The following KLHL29 variants were observed in gnomAD, a reference collection of about 807,000 sequenced individuals.
KLHL29 encodes the protein kelch like family member 29.
KLHL29 carries 21 observed loss-of-function variants against 80.4 expected under a neutral mutation model. The ratio of observed to expected loss-of-function variants is 0.26; its 90% confidence interval spans 0.19 to 0.38. KLHL29 has a LOEUF of 0.38. Among genes scored for constraint, KLHL29 ranks in the 10% least tolerant of loss-of-function variants. The pLI is 1.00. For synonymous variants in KLHL29, 511 were observed against 526.8 expected, an observed-to-expected ratio of 0.97 and a Z score of 0.41; for missense variants, 867 against 1,223.9, an observed-to-expected ratio of 0.71 and a Z score of 4.35.
chr2:23,426,385 G>A (rs1476483645), intron 1 of KLHL29, among the ~76,000 whole-genome samples: 5 of 152,142 alleles, frequency 3.3e-5, no homozygotes, highest in East Asian at 1.9e-4. Context: ...GTGACTTCCC[G>A]GCGGCCACTG....
At chr2:23,407,567 T>C (rs1275489353) in intron 1 of KLHL29, among the ~76,000 whole-genome samples, 1 of 152,218 alleles carries the variant, frequency 6.6e-6, no homozygotes, top group Non-Finnish European at 1.5e-5. Context: ...GAATTCTAAA[T>C]TCATTTATGG....
intron 5 of KLHL29, among the ~76,000 whole-genome samples, chr2:23,670,979 TCCCTCCCTCC>T (rs1670720840): frequency 1.7e-4 from 1 of 6,038 alleles, no homozygotes. Flanking sequence ...TCTCTCTCTC[TCCCTCCCTCC>T]CTCCCTCCCT....
chr2:23,463,201 A>G (rs1358406505), intron 1 of KLHL29, among the ~76,000 whole-genome samples: 2 of 150,888 alleles, frequency 1.3e-5, no homozygotes, highest in Non-Finnish European at 2.9e-5. Context: ...TTCTATCCCA[A>G]GTTGAAGCAG....
chr2:23,673,876 C>G (rs1227889352), intron 5 of KLHL29, among the ~76,000 whole-genome samples: 1 of 151,572 alleles, frequency 6.6e-6, no homozygotes, highest in Admixed American at 6.6e-5. Flanking sequence ...ACCACATGCT[C>G]AAACACACAC....
chr2:23,411,379 TTGTGTGTG>T (rs56103621), intron 1 of KLHL29, among the ~76,000 whole-genome samples: 199 of 109,024 alleles, frequency 1.8e-3, no homozygotes, highest in Admixed American at 2.8e-3. Flanking sequence ...GTTGCAAAAA[TTGTGTGTG>T]TGTGTGTGTG....
intron 1 of KLHL29, among the ~76,000 whole-genome samples, chr2:23,403,722 A>T (rs1272907287): frequency 1.1e-4 from 15 of 141,000 alleles, no homozygotes; most frequent in African/African-American, 4.2e-4. Context: ...AGAGAGAGAG[A>T]GAGAGTGTGT....
At chr2:23,440,129 G>A (rs2103414226) in intron 1 of KLHL29, among the ~76,000 whole-genome samples, 1 of 152,124 alleles carries the variant, frequency 6.6e-6, no homozygotes, top group Admixed American at 6.5e-5. Flanking sequence ...GACTAGGATT[G>A]CAACCCCTGC....
chr2:23,412,401 G>A (rs1371116194), intron 1 of KLHL29, among the ~76,000 whole-genome samples: 2 of 152,186 alleles, frequency 1.3e-5, no homozygotes, highest in Non-Finnish European at 2.9e-5. Flanking sequence ...GTGAGAAGTG[G>A]GCACTGGGGG....
intron 3 of KLHL29, among the ~76,000 whole-genome samples, chr2:23,601,261 T>A (rs1450034713): frequency 6.6e-6 from 1 of 152,098 alleles, no homozygotes; most frequent in Non-Finnish European, 1.5e-5. Flanking sequence ...CAAGTCGGGG[T>A]ACAAGATTTG....
chr2:23,636,358 G>A (rs900943381), intron 3 of KLHL29, among the ~76,000 whole-genome samples: 7 of 151,388 alleles, frequency 4.6e-5, no homozygotes, highest in African/African-American at 1.7e-4. Flanking sequence ...TGTTGTGAGT[G>A]CTCAGTAGAA....
At chr2:23,528,671 A>ACAGTT (rs1666401008) in intron 2 of KLHL29, among the ~76,000 whole-genome samples, 1 of 152,366 alleles carries the variant, frequency 6.6e-6, no homozygotes, top group South Asian at 2.1e-4. Context: ...AATTAAACTA[A>ACAGTT]TAATGTCACG....
intron 4 of KLHL29, among the ~76,000 whole-genome samples, chr2:23,641,455 C>G (rs1020697639): frequency 6.6e-6 from 1 of 152,208 alleles, no homozygotes; most frequent in Non-Finnish European, 1.5e-5. Flanking sequence ...GCGCCCTCAC[C>G]TGAGGGCCCA....
rs556239245 is a variant in KLHL29, at chr2:23,647,374, C to T, written c.940+4524C>T. Reference sequence around the variant, plus strand: ...ATTTTATCCAGACTGAAACTGTCTTCCCACAGACCTATTCTTCCTGTGTCT... The same window carrying T: ...ATTTTATCCAGACTGAAACTGTCTTTCCACAGACCTATTCTTCCTGTGTCT... On this transcript the variant is annotated intron_variant, in intron 5 of 13. Transcript: ENST00000486442. This position sits in a 1 kb window ranked among gnomAD's most constrained non-coding sequence, Gnocchi z 4.9. Among the ~76,000 whole-genome samples, 2 of 152,342 alleles carry T rather than the reference C, an allele frequency of 1.3e-5. No homozygotes were observed. The highest frequency in any genetic ancestry group is 2.1e-4 in the South Asian group (1 of 4,822).
intron 3 of KLHL29, among the ~76,000 whole-genome samples, chr2:23,581,001 C>G (rs1667966969): frequency 6.6e-6 from 1 of 152,124 alleles, no homozygotes; most frequent in South Asian, 2.1e-4. Flanking sequence ...AAAATCTAGC[C>G]CATTCTAAGC....
At chr2:23,618,736 G>T (rs554568107) in intron 3 of KLHL29, among the ~76,000 whole-genome samples, 1 of 152,092 alleles carries the variant, frequency 6.6e-6, no homozygotes, top group African/African-American at 2.4e-5. Context: ...TATTAGTTCC[G>T]TTTCTCTGGA....
At chr2:23,642,929 A>T (rs534906851) in intron 5 of KLHL29, 79 bp downstream of exon 5, 1 of 1,491,658 alleles carries the variant, frequency 6.7e-7, no homozygotes, top group Non-Finnish European at 9.1e-7. Flanking sequence ...CCACCGGGAC[A>T]GGGGGTGCTT....
intron 2 of KLHL29, among the ~76,000 whole-genome samples, chr2:23,509,569 A>T (rs1201709127): frequency 6.6e-6 from 1 of 152,192 alleles, no homozygotes; most frequent in African/African-American, 2.4e-5. Context: ...ATGAAAAAAA[A>T]ATGAATTACT....
intron 1 of KLHL29, among the ~76,000 whole-genome samples, chr2:23,472,493 G>A (rs994615012): frequency 6.6e-6 from 1 of 152,178 alleles, no homozygotes; most frequent in South Asian, 2.1e-4. Flanking sequence ...AATTAGCCGG[G>A]CATGGCGGCG....
chr2:23,457,469 T>C lies in KLHL29; in HGVS notation c.-153-18091T>C, dbSNP rs1294341071. Among the ~76,000 whole-genome samples the C allele has an allele frequency of 6.6e-6, 1 of 152,190 alleles. No homozygotes were observed. Among genetic ancestry groups the C allele is most frequent in the Non-Finnish European group, 1.5e-5 (1 of 68,036 alleles). ...TGGGGCCCTTCCCCTCCAGGACCCCTGCGGTGTGAGTGCTACTCCTTTGGC... is the reference window on the plus strand; with the variant it reads ...TGGGGCCCTTCCCCTCCAGGACCCCCGCGGTGTGAGTGCTACTCCTTTGGC... On this transcript the variant is annotated intron_variant, in intron 1 of 13. Transcript: ENST00000486442. This position sits in a 1 kb window ranked among gnomAD's most constrained non-coding sequence, Gnocchi z 4.3.
Sources: allele counts gnomAD v4.1 joint callset (sites outside exome capture counted in the v4.1 genomes callset), GRCh38; gene constraint gnomAD v4.1.1; non-coding constraint Gnocchi (gnomAD v3.1); transcripts MANE v1.5; gene names NCBI Gene and HGNC (gene_info 2026-07-23, HGNC 2026-07-21).